The following STK3 variants were observed in gnomAD, a reference collection of about 807,000 sequenced individuals.
STK3 encodes serine/threonine-protein kinase 3.
A neutral mutation model predicts 58.0 loss-of-function variants in STK3; 41 were observed. The observed-to-expected ratio is 0.71, with a 90% CI of 0.55 to 0.92. The LOEUF is 0.92. STK3 is among the 40% of genes least tolerant of loss of function. STK3 has a pLI of 0.00. For missense variants in STK3, 479 were observed against 602.7 expected (o/e 0.79, Z 2.15); for synonymous variants, 170 against 191.0 (o/e 0.89, Z 0.91).
intron 6 of STK3, among the ~76,000 whole-genome samples, chr8:98,629,838 C>T (rs1819045367): frequency 6.6e-6 from 1 of 152,136 alleles, no homozygotes; most frequent in Non-Finnish European, 1.5e-5. Flanking sequence ...TTTTCGCATG[C>T]AAACCACTCA....
At chr8:98,545,346 G>C (rs917913873) in intron 9 of STK3, among the ~76,000 whole-genome samples, 2 of 152,180 alleles carry the variant, frequency 1.3e-5, no homozygotes, top group Non-Finnish European at 2.9e-5. Context: ...GGAATGAGGA[G>C]GCCTTAGGGA....
At chr8:98,544,326 G>A (rs1252329324) in intron 9 of STK3, among the ~76,000 whole-genome samples, 2 of 152,054 alleles carry the variant, frequency 1.3e-5, no homozygotes, top group Non-Finnish European at 2.9e-5. Flanking sequence ...AGGAAAGTTT[G>A]GGTAATGTAA....
At chr8:98,710,854 C>T (rs762200058) in intron 4 of STK3, among the ~76,000 whole-genome samples, 2 of 152,250 alleles carry the variant, frequency 1.3e-5, no homozygotes, top group Admixed American at 6.5e-5. Context: ...AAGTGGGTCA[C>T]TGACCCCCAA....
chr8:98,557,305 A>AATC (rs1452260957), intron 8 of STK3, among the ~76,000 whole-genome samples: 1 of 152,056 alleles, frequency 6.6e-6, no homozygotes, highest in Non-Finnish European at 1.5e-5. Flanking sequence ...GTATGTCTCG[A>AATC]ATCATGTAAG....
Position 98,821,643 on chromosome 8 carries a change from T to C in STK3, c.26+3872A>G, listed in dbSNP as rs374908554. Among the ~76,000 whole-genome samples, 37 of 142,820 alleles carry C rather than the reference T, an allele frequency of 2.6e-4. No individual in the cohort carries two copies. The East Asian group carries it at 3.0e-3, about 12-fold the overall frequency. 93.7% of individuals were successfully genotyped at this position (142,820 alleles called of 152,430 possible). ...TGCCACTGCACTCCAGCCAGGGCGA[T>C]AGAGTAAGACCCAATCTCAAAAAAA... On this transcript the variant is annotated intron_variant, in intron 1 of 10. Transcript: ENST00000419617.
At chr8:98,494,679 A>AAG (rs1554602971) in intron 10 of STK3, among the ~76,000 whole-genome samples, 125 of 150,564 alleles carry the variant, frequency 8.3e-4, no homozygotes, top group Non-Finnish European at 1.2e-3. Flanking sequence ...AAAAAAAAAA[A>AAG]AGAGAGAGAG....
At chr8:98,869,260 A>C (rs1837274222) in intron 3 of STK3, among the ~76,000 whole-genome samples, 1 of 152,086 alleles carries the variant, frequency 6.6e-6, no homozygotes, top group Non-Finnish European at 1.5e-5. Context: ...ATCTCTACCA[A>C]AAATGCAAAA....
At chr8:98,864,000 T>C (rs1837031114) in intron 3 of STK3, among the ~76,000 whole-genome samples, 1 of 151,746 alleles carries the variant, frequency 6.6e-6, no homozygotes, top group South Asian at 2.1e-4. Flanking sequence ...ATGGAGACCA[T>C]CCTGGCTAAC....
At chr8:98,515,075 C>T (rs1358066438) in intron 10 of STK3, among the ~76,000 whole-genome samples, 1 of 152,118 alleles carries the variant, frequency 6.6e-6, no homozygotes, top group African/African-American at 2.4e-5. Context: ...AATGTAGACT[C>T]TCTTCTCTAA....
intron 6 of STK3, among the ~76,000 whole-genome samples, chr8:98,705,254 C>T (rs1825884780): frequency 6.6e-6 from 1 of 151,918 alleles, no homozygotes; most frequent in Admixed American, 6.6e-5. Context: ...CACCTTGTCT[C>T]TACAAAAAAT....
At chr8:98,347,113 A>G in the STK3 span, among the ~76,000 whole-genome samples, 1 of 151,976 alleles carries the variant, frequency 6.6e-6, no homozygotes, top group Non-Finnish European at 1.5e-5. Context: ...GGTAGAATGT[A>G]AAATGTTAGA....
intron 4 of STK3, among the ~76,000 whole-genome samples, chr8:98,728,414 G>T (rs1170789807): frequency 8.6e-5 from 13 of 151,930 alleles, no homozygotes; most frequent in Non-Finnish European, 1.5e-5. Flanking sequence ...CACATGTCTG[G>T]CAAGGAAAAA....
At chr8:98,817,616 G>C (rs542888398) in intron 1 of STK3, among the ~76,000 whole-genome samples, 1 of 151,932 alleles carries the variant, frequency 6.6e-6, no homozygotes, top group Admixed American at 6.6e-5. Context: ...CTGTTCTCCC[G>C]GTCTTTCCTC....
the STK3 span, among the ~76,000 whole-genome samples, chr8:98,361,512 G>A: frequency 1.3e-5 from 2 of 152,076 alleles, no homozygotes; most frequent in African/African-American, 2.4e-5. Context: ...GTTGTTGAGA[G>A]GGTTAATGAA....
Position 98,907,242 on chromosome 8 carries a change from G to A in STK3, c.-78-23408C>T, listed in dbSNP as rs374919538. Among the ~76,000 whole-genome samples the A allele has an allele frequency of 1.4e-3, 218 of 152,190 alleles. 1 individual carries two copies. Among genetic ancestry groups the A allele is most frequent in the African/African-American group, 5.0e-3 (207 of 41,538 alleles). On this transcript the variant is annotated intron_variant, in intron 1 of 1. Coordinates refer to the STK3 transcript ENST00000519420. ...AGAAATCTCAAAAAAGGCCGGGTGC[G>A]GTGGCTTATGGCTGTAATCCCAGCA...
intron 4 of STK3, among the ~76,000 whole-genome samples, chr8:98,722,076 G>A (rs1369420718): frequency 6.6e-6 from 1 of 151,898 alleles, no homozygotes; most frequent in Admixed American, 6.6e-5. Flanking sequence ...TAGAGGAAGT[G>A]GCATTAAAAT....
chr8:98,371,142 A>G (rs1278111917), downstream of STK3, among the ~76,000 whole-genome samples: 1 of 152,170 alleles, frequency 6.6e-6, no homozygotes, highest in Non-Finnish European at 1.5e-5. Flanking sequence ...GCAGGACAAG[A>G]CTTGATCTTG....
chr8:98,668,276 C>T (rs1822522670), intron 6 of STK3, among the ~76,000 whole-genome samples: 1 of 152,152 alleles, frequency 6.6e-6, no homozygotes, highest in African/African-American at 2.4e-5. Flanking sequence ...CAGGTGAAAA[C>T]TTCTTAAACT....
At chr8:98,484,279 GT>G (rs1563651197) in intron 10 of STK3, among the ~76,000 whole-genome samples, 1 of 152,078 alleles carries the variant, frequency 6.6e-6, no homozygotes, top group East Asian at 1.9e-4. Flanking sequence ...AATAGTTTTA[GT>G]TTGATACCAA....
Sources: gnomAD v4.1 joint callset for allele counts (sites outside exome capture counted in the v4.1 genomes callset) on GRCh38, gnomAD v4.1.1 for gene constraint, MANE v1.5 for transcripts, NCBI Gene and HGNC (gene_info 2026-07-23, HGNC 2026-07-21) for gene names.